Variants in SUGCT observed in about 807,000 individuals in gnomAD.
The protein encoded by SUGCT is succinyl-CoA:glutarate-CoA transferase, also known as succinyl-CoA:glutarate CoA-transferase.
SUGCT carries 41 observed loss-of-function variants against 55.0 expected under a neutral mutation model. That is an observed-to-expected ratio of 0.74 (90% CI 0.58 to 0.97). The LOEUF (loss-of-function observed/expected upper bound fraction) is 0.97. SUGCT is among the 50% of genes least tolerant of loss of function. The probability of loss-of-function intolerance (pLI) is 0.00; values close to 1 mark genes in which losing one functional copy is unlikely to be tolerated. For missense variants in SUGCT, 568 were observed against 547.8 expected, an observed-to-expected ratio of 1.04 and a Z score of -0.37; for synonymous variants, 187 against 200.4, an observed-to-expected ratio of 0.93 and a Z score of 0.56.
intron 12 of SUGCT, among the ~76,000 whole-genome samples, chr7:40,678,053 C>T (rs902588296): frequency 6.6e-6 from 1 of 152,172 alleles, no homozygotes; most frequent in Admixed American, 6.5e-5. Context: ...CTGGCTTCCT[C>T]CAGAGAAAAT....
chr7:40,205,640 C>CAAAAAAAAAAAAAAAAA (rs67396482), intron 6 of SUGCT, among the ~76,000 whole-genome samples: 1 of 77,464 alleles, frequency 1.3e-5, no homozygotes, highest in Non-Finnish European at 2.5e-5. Flanking sequence ...AACTTCATCT[C>CAAAAAAAAAAAAAAAAA]AAAAAAAAAA....
chr7:40,247,460 G>A (rs1001003817), intron 7 of SUGCT, among the ~76,000 whole-genome samples: 1 of 152,122 alleles, frequency 6.6e-6, no homozygotes, highest in African/African-American at 2.4e-5. Flanking sequence ...GTTTCACCAT[G>A]TTGGCCAGGC....
At chr7:40,559,919 G>A (rs929518977) in intron 12 of SUGCT, among the ~76,000 whole-genome samples, 1 of 152,154 alleles carries the variant, frequency 6.6e-6, no homozygotes, top group Non-Finnish European at 1.5e-5. Flanking sequence ...AAGAGGTAAT[G>A]CAATATGTTA....
chr7:40,189,779 A>G lies in SUGCT; in HGVS notation c.363+185A>G, dbSNP rs557837131. ...GTGTGATGTGCTTTAAATTTTTTGT[A>G]TATTGTGTATCATTATGGTGCTAGC... On this transcript the variant is annotated intron_variant, in intron 5 of 13. Transcript: ENST00000335693. 1.6e-4 allele frequency among the ~76,000 whole-genome samples: 25 copies of G among 152,168 alleles called. No individual in the cohort carries two copies. The South Asian group carries it at 5.0e-3, about 30-fold the overall frequency.
the SUGCT span, among the ~76,000 whole-genome samples, chr7:40,872,715 G>C: frequency 1.3e-5 from 2 of 152,210 alleles, no homozygotes; most frequent in Non-Finnish European, 2.9e-5. Context: ...GTTTTGAACA[G>C]TGAAGTTTAA....
chr7:40,491,013 T>C (rs1427720318), intron 11 of SUGCT, among the ~76,000 whole-genome samples: 7 of 152,204 alleles, frequency 4.6e-5, no homozygotes, highest in African/African-American at 1.7e-4. Flanking sequence ...AGGAGACAAT[T>C]ATGTACCACA....
chr7:40,229,157 T>C lies in SUGCT; in HGVS notation c.485-8478T>C, dbSNP rs1209387177. Among the ~76,000 whole-genome samples the C allele has an allele frequency of 3.9e-5, 6 of 152,216 alleles. No homozygotes were observed. In the East Asian group the frequency reaches 9.6e-4, roughly 24 times the overall value. ...ACATACTACTGTCTGATAGTAGGAA[T>C]CTCAGTGATACTGGGTTAGTCTTTG... On this transcript the variant is annotated intron_variant, in intron 6 of 13. Transcript: ENST00000335693.
intron 12 of SUGCT, among the ~76,000 whole-genome samples, chr7:40,693,027 A>G (rs1248486279): frequency 6.6e-6 from 1 of 152,164 alleles, no homozygotes; most frequent in Non-Finnish European, 1.5e-5. Flanking sequence ...TGGAGAGAGG[A>G]AAGGAGTTGT....
chr7:40,921,218 AATTTT>A, the SUGCT span, among the ~76,000 whole-genome samples: 2 of 152,114 alleles, frequency 1.3e-5, no homozygotes, highest in South Asian at 2.1e-4. Context: ...TTTTAAATTA[AATTTT>A]ATTTTATTTA....
At chr7:40,777,973 C>T (rs17439476) in intron 13 of SUGCT, among the ~76,000 whole-genome samples, 2,775 of 152,256 alleles carry the variant, frequency 0.018, 46 homozygotes, top group South Asian at 0.041. Context: ...TCAGCATATG[C>T]TTAGCCTAGC....
At chr7:40,226,785 A>C (rs188421608) in intron 6 of SUGCT, among the ~76,000 whole-genome samples, 12 of 152,118 alleles carry the variant, frequency 7.9e-5, no homozygotes, top group Admixed American at 6.5e-4. Context: ...ACTTTTAGAC[A>C]TACAAAATGA....
chr7:40,466,202 T>C, intron 11 of SUGCT, among the ~76,000 whole-genome samples: 1 of 152,200 alleles, frequency 6.6e-6, no homozygotes, highest in Non-Finnish European at 1.5e-5. Flanking sequence ...TCACTATGCC[T>C]GGCTTCTATA....
At chr7:40,656,976 C>T (rs1392200177) in intron 12 of SUGCT, among the ~76,000 whole-genome samples, 4 of 152,202 alleles carry the variant, frequency 2.6e-5, no homozygotes, top group South Asian at 2.1e-4. Context: ...CTGCATGCAC[C>T]TGCAGTTTGA....
chr7:40,410,562 C>T (rs923510780), intron 9 of SUGCT, among the ~76,000 whole-genome samples: 8 of 152,080 alleles, frequency 5.3e-5, no homozygotes, highest in African/African-American at 1.9e-4. Flanking sequence ...ATTCTGAGAT[C>T]GAGTAGTGGC....
chr7:40,553,258 A>G (rs183690316), intron 12 of SUGCT, among the ~76,000 whole-genome samples: 137 of 152,314 alleles, frequency 9.0e-4, no homozygotes, highest in African/African-American at 3.1e-3. Flanking sequence ...GTATGGGTGC[A>G]AATTAGGGAA....
At chr7:40,625,622 GC>G (rs1157770332) in intron 12 of SUGCT, among the ~76,000 whole-genome samples, 1 of 151,958 alleles carries the variant, frequency 6.6e-6, no homozygotes, top group Admixed American at 6.6e-5. Context: ...TTTACCCCAG[GC>G]AACTCATTAG....
chr7:40,475,143 G>T (rs12534251), intron 11 of SUGCT, among the ~76,000 whole-genome samples: 45,375 of 151,852 alleles, frequency 0.3, 9,170 homozygotes, highest in African/African-American at 0.57. Context: ...GTGCCTTCAT[G>T]GTAAAGTACA....
chr7:40,153,376 TA>T, intron 1 of SUGCT: 1 of 364,234 alleles, frequency 2.7e-6, no homozygotes, highest in East Asian at 7.5e-5. Flanking sequence ...GGGTGATGTT[TA>T]AGGCTATTTT....
intron 12 of SUGCT, among the ~76,000 whole-genome samples, chr7:40,558,456 G>T (rs561356510): frequency 6.6e-6 from 1 of 152,332 alleles, no homozygotes; most frequent in South Asian, 2.1e-4. Context: ...GATATATTTT[G>T]CAGTGTATGG....
Sources: allele counts gnomAD v4.1 joint callset (sites outside exome capture counted in the v4.1 genomes callset), GRCh38; gene constraint gnomAD v4.1.1; transcripts MANE v1.5; gene names NCBI Gene and HGNC (gene_info 2026-07-23, HGNC 2026-07-21).